The following B4GALT6 variants were observed in gnomAD, a reference collection of about 807,000 sequenced individuals.
The protein encoded by B4GALT6 is UDP-Gal:beta-GlcNAc beta-1,4-galactosyltransferase 6.
In B4GALT6, 14 loss-of-function variants were observed where a neutral mutation model predicts 46.3. The observed-to-expected ratio is 0.30, with a 90% confidence interval of 0.20 to 0.47. The LOEUF is 0.47. B4GALT6 is among the 20% of genes least tolerant of loss of function. The pLI is 0.99. For synonymous variants in B4GALT6, 168 were observed against 162.0 expected, an observed-to-expected ratio of 1.04 and a Z score of -0.28; for missense variants, 386 against 480.1, an observed-to-expected ratio of 0.80 and a Z score of 1.83.
At chr18:31,658,908 A>G (rs2074176994) in intron 2 of B4GALT6, among the ~76,000 whole-genome samples, 1 of 152,206 alleles carries the variant, frequency 6.6e-6, no homozygotes, top group South Asian at 2.1e-4. Context: ...TGAGCACCTG[A>G]CCCACGAGAC....
In B4GALT6 at chr18:31,645,419, G is replaced by C. The variant is rs779821972; in HGVS notation, c.407C>G (p.Ser136Cys). Residue 136 changes from serine to cysteine, a missense_variant, in exon 4 of 9, where the codon TCC becomes TGC. By Grantham distance (112) the Ser-to-Cys change is moderately radical. Coordinates refer to ENST00000306851, the MANE Select transcript of B4GALT6 (RefSeq NM_004775.5). ...CCCTGGCTCAATATCTAAATCCTTG[G>C]AGAAGAGTTGATGAATTTCATCAAA... is the stretch of plus-strand genomic sequence containing the variant. Reference protein sequence around the residue: ...VSFDEIHQLFSKDLDIEPGGH... With the variant: ...VSFDEIHQLFCKDLDIEPGGH... 5 of 1,613,732 alleles carry C rather than the reference G, an allele frequency of 3.1e-6. No homozygotes were observed. In the Middle Eastern group the frequency reaches 5.0e-4, roughly 160 times the overall value.
the B4GALT6 span, among the ~76,000 whole-genome samples, chr18:31,704,887 T>C: frequency 1.3e-5 from 2 of 152,206 alleles, no homozygotes; most frequent in Non-Finnish European, 2.9e-5. Flanking sequence ...GAGAGATATA[T>C]GTAGAGAAAT....
chr18:31,648,217 T>C (rs1234518609), intron 3 of B4GALT6, among the ~76,000 whole-genome samples: 1 of 152,232 alleles, frequency 6.6e-6, no homozygotes. Flanking sequence ...TGTAATAGTA[T>C]AAATCTAAGA....
chr18:31,652,889 T>C (rs1216101675), intron 3 of B4GALT6, among the ~76,000 whole-genome samples: 6 of 152,192 alleles, frequency 3.9e-5, no homozygotes, highest in Non-Finnish European at 8.8e-5. Context: ...TATTTCTCCA[T>C]TCTCACCCAT....
chr18:31,712,499 C>CA, the B4GALT6 span, among the ~76,000 whole-genome samples: 1 of 151,854 alleles, frequency 6.6e-6, no homozygotes, highest in East Asian at 1.9e-4. Context: ...GAGGGGGTTT[C>CA]ACTTTGTTGG....
At chr18:31,705,078 A>G in the B4GALT6 span, among the ~76,000 whole-genome samples, 4 of 152,216 alleles carry the variant, frequency 2.6e-5, no homozygotes, top group Admixed American at 2.6e-4. Flanking sequence ...CTAGACAGAT[A>G]CAGTTATTCT....
chr18:31,634,290 C>A (rs917076582), intron 5 of B4GALT6, among the ~76,000 whole-genome samples: 1 of 152,210 alleles, frequency 6.6e-6, no homozygotes. Context: ...AAAGTTTCTA[C>A]AAGATACAAC....
upstream of B4GALT6, chr18:31,685,671 A>T (rs1425781144): frequency 6.6e-6 from 1 of 152,100 alleles, no homozygotes; most frequent in Non-Finnish European, 1.5e-5. Flanking sequence ...GGGTTGAGGG[A>T]CGCGTTGCGA....
intron 3 of B4GALT6, among the ~76,000 whole-genome samples, chr18:31,651,781 C>CT (rs1202806873): frequency 2.0e-5 from 3 of 151,936 alleles, no homozygotes; most frequent in Middle Eastern, 3.2e-3. Context: ...TCATCTTTTT[C>CT]TTTTTTTGAG....
intron 3 of B4GALT6, among the ~76,000 whole-genome samples, chr18:31,646,422 A>G (rs2073991604): frequency 6.6e-6 from 1 of 152,236 alleles, no homozygotes; most frequent in Non-Finnish European, 1.5e-5. Context: ...TAGCTGCATG[A>G]TCACTAACAT....
intron 3 of B4GALT6, among the ~76,000 whole-genome samples, chr18:31,655,993 C>T (rs1250915313): frequency 6.6e-6 from 1 of 152,070 alleles, no homozygotes; most frequent in African/African-American, 2.4e-5. Context: ...ACAGCATCAC[C>T]TTGCGGGATT....
the B4GALT6 span, among the ~76,000 whole-genome samples, chr18:31,711,326 G>A: frequency 1.3e-5 from 2 of 152,172 alleles, no homozygotes; most frequent in East Asian, 3.9e-4. Flanking sequence ...CATGCCACAG[G>A]GGTTTGTGGT....
At chr18:31,664,591 T>C (rs1242605681) in intron 2 of B4GALT6, among the ~76,000 whole-genome samples, 1 of 151,754 alleles carries the variant, frequency 6.6e-6, no homozygotes, top group African/African-American at 2.4e-5. Context: ...ATGTAATCAT[T>C]CCTCCTAATC....
chr18:31,688,269 A>G (rs1226124920), upstream of B4GALT6, among the ~76,000 whole-genome samples: 3 of 150,266 alleles, frequency 2.0e-5, no homozygotes, highest in Admixed American at 6.6e-5. Flanking sequence ...ACATATATAT[A>G]TATACACACA....
intron 5 of B4GALT6, among the ~76,000 whole-genome samples, chr18:31,635,246 C>CAA (rs530578338): frequency 3.4e-5 from 5 of 146,132 alleles, no homozygotes; most frequent in Admixed American, 6.8e-5. Flanking sequence ...AACAAACAAA[C>CAA]AAAAAAAAAA....
At chr18:31,699,649 A>C in the B4GALT6 span, among the ~76,000 whole-genome samples, 3 of 150,958 alleles carry the variant, frequency 2.0e-5, no homozygotes, top group East Asian at 1.9e-4. Context: ...AAAAAAAAAA[A>C]AAAAAAAAAC....
At chr18:31,661,967 T>C (rs1297648310) in intron 2 of B4GALT6, among the ~76,000 whole-genome samples, 2 of 152,214 alleles carry the variant, frequency 1.3e-5, no homozygotes, top group African/African-American at 2.4e-5. Flanking sequence ...CTTAGCCACA[T>C]GCTATGATTC....
At chr18:31,704,495 C>T in the B4GALT6 span, among the ~76,000 whole-genome samples, 1 of 152,160 alleles carries the variant, frequency 6.6e-6, no homozygotes, top group Non-Finnish European at 1.5e-5. Flanking sequence ...TGAGCCACCA[C>T]ACCTGGCTGC....
At chr18:31,652,061 C>T (rs556051506) in intron 3 of B4GALT6, among the ~76,000 whole-genome samples, 50 of 152,232 alleles carry the variant, frequency 3.3e-4, no homozygotes, top group African/African-American at 1.1e-3. Flanking sequence ...TGAGCCACGG[C>T]GCCCGGCCTC....
Sources: gnomAD v4.1 joint callset for allele counts (sites outside exome capture counted in the v4.1 genomes callset) on GRCh38, gnomAD v4.1.1 for gene constraint, MANE v1.5 for transcripts, NCBI Gene and HGNC (gene_info 2026-07-23, HGNC 2026-07-21) for gene names.